PDE3A: variants seen among roughly 807,000 people sequenced by gnomAD.
The protein encoded by PDE3A is phosphodiesterase 3A, also known as cGMP-inhibited 3',5'-cyclic phosphodiesterase 3A.
A neutral mutation model predicts 98.3 loss-of-function variants in PDE3A; 43 were observed. That is an observed-to-expected ratio of 0.44 (90% CI 0.34 to 0.56). The LOEUF is 0.56. PDE3A is among the 20% of genes least tolerant of loss of function. The probability of loss-of-function intolerance (pLI) is 0.01; values close to 1 mark genes in which losing one functional copy is unlikely to be tolerated. For synonymous variants in PDE3A, 663 were observed against 567.9 expected, an observed-to-expected ratio of 1.17 and a Z score of -2.38; for missense variants, 1,427 against 1,440.7, an observed-to-expected ratio of 0.99 and a Z score of 0.15.
chr12:20,475,785 T>C (rs1945522771), intron 1 of PDE3A, among the ~76,000 whole-genome samples: 1 of 152,054 alleles, frequency 6.6e-6, no homozygotes, highest in Non-Finnish European at 1.5e-5. Flanking sequence ...CAGTTTTGTT[T>C]TGTGCATCTG....
chr12:20,635,520 G>T (rs1406082412), intron 8 of PDE3A, among the ~76,000 whole-genome samples: 2 of 151,482 alleles, frequency 1.3e-5, no homozygotes, highest in African/African-American at 2.4e-5. Flanking sequence ...GGAGTTTGCA[G>T]TGAGCCAAGA....
chr12:20,678,536 A>G (rs1279220065), intron 15 of PDE3A, among the ~76,000 whole-genome samples: 1 of 152,126 alleles, frequency 6.6e-6, no homozygotes, highest in African/African-American at 2.4e-5. Flanking sequence ...CAAAAAGAGA[A>G]CATTATTGGT....
Position 20,369,778 on chromosome 12 carries a change from C to T in PDE3A, c.494C>T (p.Ala165Val), listed in dbSNP as rs1206065061. 1 of 1,612,528 alleles carries T rather than the reference C, an allele frequency of 6.2e-7. No individual in the cohort carries two copies. The highest frequency in any genetic ancestry group is 8.5e-7 in the Non-Finnish European group (1 of 1,179,716). The change falls in exon 1 of 16, where the codon GCC (alanine) becomes GTC (valine). Residue 165 changes from alanine (A) to valine (V), a missense_variant. Transcript: ENST00000359062. ...VRLPLAVALL[A>V]ACCGGEALVQ... ...CTGCCTCTGGCTGTCGCGCTGCTGG[C>T]CGCCTGCTGCGGGGGGGAAGCGCTC... is the stretch of plus-strand genomic sequence containing the variant.
chr12:20,605,993 A>C (rs1422878729), intron 2 of PDE3A, among the ~76,000 whole-genome samples: 1 of 152,202 alleles, frequency 6.6e-6, no homozygotes, highest in Non-Finnish European at 1.5e-5. Flanking sequence ...AAATATGTAG[A>C]AAGCAGAGTC....
intron 1 of PDE3A, among the ~76,000 whole-genome samples, chr12:20,486,394 A>AT (rs995058245): frequency 6.6e-6 from 1 of 152,142 alleles, no homozygotes; most frequent in Non-Finnish European, 1.5e-5. Context: ...CATCCCCATG[A>AT]TTCAATTACA....
intron 1 of PDE3A, among the ~76,000 whole-genome samples, chr12:20,455,439 T>A (rs1945137951): frequency 6.6e-6 from 1 of 152,220 alleles, no homozygotes; most frequent in South Asian, 2.1e-4. Context: ...TTTCTTTTGC[T>A]GTGCAGAGCT....
intron 15 of PDE3A, among the ~76,000 whole-genome samples, chr12:20,659,146 A>G (rs1303025500): frequency 6.6e-6 from 1 of 152,172 alleles, no homozygotes; most frequent in Admixed American, 6.5e-5. Flanking sequence ...TCATGAAGAA[A>G]TTATGAATAT....
At chr12:20,650,370 T>C (rs940366554) in intron 13 of PDE3A, 75 bp from the exon 14 acceptor site, 11 of 903,726 alleles carry the variant, frequency 1.2e-5, no homozygotes, top group Admixed American at 2.2e-5. Context: ...CAATAAATGT[T>C]CTATTGTTTT....
intron 4 of PDE3A, 113 bp downstream of exon 4, chr12:20,616,497 C>T: frequency 2.1e-6 from 2 of 953,858 alleles, no homozygotes; most frequent in Middle Eastern, 3.3e-4. Context: ...TGGAGGTCAG[C>T]TTTGAAGATG....
chr12:20,428,824 A>C (rs1314173049), intron 1 of PDE3A, among the ~76,000 whole-genome samples: 1 of 152,194 alleles, frequency 6.6e-6, no homozygotes, highest in Non-Finnish European at 1.5e-5. Context: ...TACCACTATG[A>C]TTGATAGTTG....
intron 1 of PDE3A, among the ~76,000 whole-genome samples, chr12:20,416,233 G>T (rs1944419468): frequency 6.6e-6 from 1 of 152,166 alleles, no homozygotes; most frequent in African/African-American, 2.4e-5. Context: ...TTTAAAAAAT[G>T]AAAATTCTCA....
intron 1 of PDE3A, chr12:20,450,195 C>T (rs1945040089): frequency 1.3e-5 from 4 of 301,776 alleles, no homozygotes; most frequent in Non-Finnish European, 1.3e-5. Context: ...AGTTTGTTTA[C>T]TTATTCAATA....
chr12:20,533,127 GTAAT>G (rs1328569806), intron 1 of PDE3A, among the ~76,000 whole-genome samples: 1 of 152,028 alleles, frequency 6.6e-6, no homozygotes, highest in Non-Finnish European at 1.5e-5. Context: ...TAGCATTTAT[GTAAT>G]TAATTAGTTA....
chr12:20,652,742 A>G (rs1592149625), intron 14 of PDE3A, among the ~76,000 whole-genome samples: 1 of 152,198 alleles, frequency 6.6e-6, no homozygotes, highest in Admixed American at 6.5e-5. Flanking sequence ...AACCTAGGCA[A>G]TACCATTCAG....
chr12:20,468,553 C>A (rs1171051716), intron 1 of PDE3A, among the ~76,000 whole-genome samples: 1 of 152,210 alleles, frequency 6.6e-6, no homozygotes, highest in Non-Finnish European at 1.5e-5. Flanking sequence ...TCAAATTACA[C>A]TGACAGCAAG....
At chr12:20,541,197 A>G (rs1941899351) in intron 1 of PDE3A, among the ~76,000 whole-genome samples, 2 of 142,814 alleles carry the variant, frequency 1.4e-5, no homozygotes, top group Admixed American at 7.7e-5. Context: ...CCTGGGCTCA[A>G]GCAATCCTCT....
chr12:20,481,532 C>T (rs999592701), intron 1 of PDE3A, among the ~76,000 whole-genome samples: 4 of 152,178 alleles, frequency 2.6e-5, no homozygotes, highest in African/African-American at 9.6e-5. Context: ...AATCCCTAAT[C>T]ATAACTGGGG....
intron 1 of PDE3A, among the ~76,000 whole-genome samples, chr12:20,430,286 T>C (rs1427816376): frequency 6.6e-6 from 1 of 152,168 alleles, no homozygotes; most frequent in Non-Finnish European, 1.5e-5. Flanking sequence ...GAGTACACCT[T>C]TAAAATTTTT....
chr12:20,589,369 T>C (rs2121370241), intron 2 of PDE3A, among the ~76,000 whole-genome samples: 1 of 152,336 alleles, frequency 6.6e-6, no homozygotes, highest in Non-Finnish European at 1.5e-5. Flanking sequence ...TAAATTATAT[T>C]GTTCATGGTA....
Sources: allele counts gnomAD v4.1 joint callset (sites outside exome capture counted in the v4.1 genomes callset), GRCh38; gene constraint gnomAD v4.1.1; transcripts MANE v1.5; gene names NCBI Gene and HGNC (gene_info 2026-07-23, HGNC 2026-07-21).